Variants in GALNT14 observed in about 807,000 individuals in gnomAD.
The protein encoded by GALNT14 is UDP-GalNAc:polypeptide N-acetylgalactosaminyltransferase 14.
Under a neutral mutation model 77.5 loss-of-function variants are expected in GALNT14, and 60 were observed. That is an observed-to-expected ratio of 0.77 (90% CI 0.63 to 0.96). GALNT14 has a LOEUF of 0.96. GALNT14 is among the 40% of genes least tolerant of loss of function. The pLI is 0.00. For synonymous variants in GALNT14, 280 were observed against 281.7 expected (o/e 0.99, Z 0.06); for missense variants, 710 against 731.0 (o/e 0.97, Z 0.33).
At chr2:31,049,742 C>T (rs1673718492) in intron 1 of GALNT14, among the ~76,000 whole-genome samples, 1 of 152,222 alleles carries the variant, frequency 6.6e-6, no homozygotes, top group Admixed American at 6.5e-5. Context: ...CCTATGAAAT[C>T]CATTCCCCCT....
At chr2:31,021,924 T>C (rs1671745280) in intron 1 of GALNT14, among the ~76,000 whole-genome samples, 1 of 152,226 alleles carries the variant, frequency 6.6e-6, no homozygotes, top group Admixed American at 6.5e-5. Context: ...TTTTCTCATC[T>C]ATAAAGTGTG....
At chr2:31,039,911 A>G (rs1448135967) in intron 1 of GALNT14, among the ~76,000 whole-genome samples, 1 of 152,212 alleles carries the variant, frequency 6.6e-6, no homozygotes, top group Non-Finnish European at 1.5e-5. Flanking sequence ...GTAATAAGAA[A>G]ACCATGCTTA....
At chr2:31,057,121 A>T (rs1389263635) in intron 1 of GALNT14, among the ~76,000 whole-genome samples, 8 of 151,786 alleles carry the variant, frequency 5.3e-5, no homozygotes, top group Non-Finnish European at 1.2e-4. Context: ...GACACTGGGG[A>T]CTACTACTAG....
intron 1 of GALNT14, among the ~76,000 whole-genome samples, chr2:31,087,246 G>A (rs1215144472): frequency 6.6e-6 from 1 of 152,102 alleles, no homozygotes; most frequent in East Asian, 1.9e-4. Context: ...AAGACATAGG[G>A]GGCAAATTAT....
In GALNT14 at chr2:30,929,143, AC is replaced by A. The variant is rs143878635; in HGVS notation, c.1151+251del. 2.8e-4 allele frequency among the ~76,000 whole-genome samples: 43 copies of A among 152,340 alleles called. No individual in the cohort carries two copies. The East Asian group carries it at 6.6e-3, about 23-fold the overall frequency. On this transcript the variant is annotated intron_variant, in intron 11 of 14. Coordinates refer to ENST00000349752, the MANE Select transcript of GALNT14 (RefSeq NM_024572.4). ...AAAGCAGGAAATATTGGTCCACTGC[AC>A]AAGGCACAGCTCAGCTCCCCTAGAG...
intron 1 of GALNT14, chr2:31,129,283 A>G: frequency 7.7e-6 from 5 of 647,034 alleles, no homozygotes; most frequent in Non-Finnish European, 9.6e-6. Flanking sequence ...TCACCTCACA[A>G]AGTCGCAGTA....
intron 1 of GALNT14, among the ~76,000 whole-genome samples, chr2:31,046,466 G>A (rs2148509899): frequency 6.6e-6 from 1 of 152,280 alleles, no homozygotes; most frequent in Admixed American, 6.5e-5. Flanking sequence ...CTGACGTCAT[G>A]ATCCACCCGC....
chr2:31,034,967 A>G (rs990451007), intron 1 of GALNT14, among the ~76,000 whole-genome samples: 4 of 152,224 alleles, frequency 2.6e-5, no homozygotes, highest in Non-Finnish European at 4.4e-5. Flanking sequence ...TCTACTTTGT[A>G]TGATTTCAAT....
intron 1 of GALNT14, among the ~76,000 whole-genome samples, chr2:31,016,378 T>C (rs112429845): frequency 1.3e-4 from 20 of 152,040 alleles, no homozygotes; most frequent in African/African-American, 4.6e-4. Context: ...CACATGGGGG[T>C]TAGAGCTCCA....
chr2:31,118,082 C>A (rs541402378), intron 1 of GALNT14, among the ~76,000 whole-genome samples: 1 of 152,230 alleles, frequency 6.6e-6, no homozygotes, highest in South Asian at 2.1e-4. Flanking sequence ...TGTGCCCAAA[C>A]AACGAGACAT....
intron 1 of GALNT14, among the ~76,000 whole-genome samples, chr2:31,016,608 C>T (rs1334365726): frequency 6.6e-6 from 1 of 152,100 alleles, no homozygotes; most frequent in Non-Finnish European, 1.5e-5. Context: ...CAAACTTCTA[C>T]AGAGACCTGC....
At chr2:31,102,118 C>T (rs957687932) in intron 1 of GALNT14, among the ~76,000 whole-genome samples, 2 of 152,078 alleles carry the variant, frequency 1.3e-5, no homozygotes, top group African/African-American at 4.8e-5. Flanking sequence ...GACTAATACA[C>T]CCCCAAACCA....
In GALNT14 at chr2:31,125,189, G is replaced by T. The variant is rs1288226448; in HGVS notation, c.129+12769C>A. On this transcript the variant is annotated intron_variant, in intron 1 of 14. Coordinates refer to ENST00000349752, the MANE Select transcript of GALNT14 (RefSeq NM_024572.4). ...ATGCCCTCTTTGGTAGGGAGGAGTG[G>T]GTGATACAGGCACCTGAGGCGCCCA... The T allele has an allele frequency of 2.1e-5, 33 of 1,550,508 alleles. No individual in the cohort carries two copies. In the East Asian group the frequency reaches 7.1e-4, roughly 33 times the overall value.
intron 1 of GALNT14, among the ~76,000 whole-genome samples, chr2:31,130,750 G>GTGTGTA (rs1678937929): frequency 7.3e-6 from 1 of 137,534 alleles, no homozygotes; most frequent in African/African-American, 3.1e-5. Context: ...GTGTGTGTGT[G>GTGTGTA]TGTGTGTGTG....
intron 1 of GALNT14, among the ~76,000 whole-genome samples, chr2:31,000,435 C>CTG (rs3223043): frequency 0.14 from 19,962 of 145,916 alleles, 1,393 homozygotes; most frequent in Admixed American, 0.21. Flanking sequence ...ATATCACCAA[C>CTG]TGTGTGTGTG....
the GALNT14 span, among the ~76,000 whole-genome samples, chr2:30,898,692 A>G: frequency 1.3e-5 from 2 of 152,248 alleles, no homozygotes; most frequent in Non-Finnish European, 2.9e-5. Flanking sequence ...AGATAAGCTC[A>G]GGCTCACAGA....
rs1666596540 is a variant in GALNT14 at position 30,944,905 on chromosome 2, G to A, written c.780C>T (p.Leu260=). 1 of 1,610,872 alleles carries A rather than the reference G, an allele frequency of 6.2e-7. No individual in the cohort carries two copies. Among genetic ancestry groups the A allele is most frequent in the Admixed American group, 1.7e-5 (1 of 59,842 alleles). The change falls in exon 8 of 15, where the codon CTC becomes CTT. Residue 260 remains leucine (L), a synonymous_variant. Transcript: ENST00000349752. ...DWSLHFQWEQ[L]SPEQKARRLD... ...GGCGCCGAGCCTTCTGCTCTGGGGA[G>A]AGCTGCTCCCACTGGAAGTGGAGGC...
At chr2:30,970,221 T>C (rs895828249) in intron 2 of GALNT14, among the ~76,000 whole-genome samples, 2 of 152,022 alleles carry the variant, frequency 1.3e-5, no homozygotes, top group East Asian at 1.9e-4. Flanking sequence ...GTAAGGGGCA[T>C]TGAGAGGCAA....
intron 1 of GALNT14, among the ~76,000 whole-genome samples, chr2:31,071,616 G>T (rs977468216): frequency 6.6e-6 from 1 of 152,032 alleles, no homozygotes; most frequent in Non-Finnish European, 1.5e-5. Flanking sequence ...CTCCTGCCCT[G>T]CCTGATGACC....
Sources: gnomAD v4.1 joint callset for allele counts (sites outside exome capture counted in the v4.1 genomes callset) on GRCh38, gnomAD v4.1.1 for gene constraint, MANE v1.5 for transcripts, NCBI Gene and HGNC (gene_info 2026-07-23, HGNC 2026-07-21) for gene names.